Variants in FGF14 observed in about 807,000 individuals in gnomAD.
FGF14 encodes the protein fibroblast growth factor homologous factor 4.
In FGF14, 5 loss-of-function variants were observed where a neutral mutation model predicts 25.5. That is an observed-to-expected ratio of 0.20 (90% confidence interval 0.10 to 0.41). FGF14 has a LOEUF of 0.41. FGF14 is among the 10% of genes least tolerant of loss of function. FGF14 has a pLI of 1.00. For missense variants in FGF14, 222 were observed against 320.1 expected, an observed-to-expected ratio of 0.69 and a Z score of 2.34; for synonymous variants, 138 against 118.3, an observed-to-expected ratio of 1.17 and a Z score of -1.08.
chr13:102,385,398 T>C (rs1451629442), intron 1 of FGF14, among the ~76,000 whole-genome samples: 1 of 152,206 alleles, frequency 6.6e-6, no homozygotes, highest in Non-Finnish European at 1.5e-5. Context: ...CTGGTTATAC[T>C]GTACCAATGA....
chr13:102,225,372 C>T (rs967582932), intron 1 of FGF14, among the ~76,000 whole-genome samples: 1 of 152,160 alleles, frequency 6.6e-6, no homozygotes, highest in African/African-American at 2.4e-5. Flanking sequence ...CTTTTAACTA[C>T]CCGCTCATTC....
At chr13:102,347,953 G>C (rs2057160755) in intron 1 of FGF14, among the ~76,000 whole-genome samples, 1 of 150,348 alleles carries the variant, frequency 6.7e-6, no homozygotes, top group African/African-American at 2.4e-5. Context: ...AGAAAAAATA[G>C]ATACAGCAAT....
chr13:102,065,511 A>G (rs544556733), intron 1 of FGF14, among the ~76,000 whole-genome samples: 8 of 152,256 alleles, frequency 5.3e-5, no homozygotes, highest in African/African-American at 1.7e-4. Flanking sequence ...GATAACAGAA[A>G]ATAACATGGT....
intron 3 of FGF14, among the ~76,000 whole-genome samples, chr13:101,790,409 C>CTTTT (rs3064706): frequency 7.0e-6 from 1 of 143,156 alleles, no homozygotes; most frequent in African/African-American, 2.6e-5. Flanking sequence ...TATTCATTTT[C>CTTTT]TTTTTTTTTT....
exon 1 of FGF14, chr13:102,401,678 T>C (rs1448501640): frequency 2.5e-6 from 4 of 1,612,452 alleles, no homozygotes; most frequent in Non-Finnish European, 1.7e-6. Flanking sequence ...GGTTTTACCA[T>C]AGGAAAAACG....
chr13:101,981,129 A>ACACACACACACACAC (rs58852039), intron 1 of FGF14, among the ~76,000 whole-genome samples: 3 of 147,122 alleles, frequency 2.0e-5, no homozygotes, highest in South Asian at 2.2e-4. Context: ...ACACACACAC[A>ACACACACACACACAC]ATTAGCCAGG....
At chr13:102,101,279 A>T (rs1300545047) in intron 1 of FGF14, among the ~76,000 whole-genome samples, 1 of 152,158 alleles carries the variant, frequency 6.6e-6, no homozygotes. Context: ...AAAAATTGTT[A>T]TTTGGGAACA....
At chr13:102,141,766 A>AG (rs2046653016) in intron 1 of FGF14, among the ~76,000 whole-genome samples, 2 of 152,202 alleles carry the variant, frequency 1.3e-5, no homozygotes. Context: ...AAAGAAAAAA[A>AG]GAGGCAGCTT....
At chr13:102,263,717 T>G (rs1393187673) in intron 1 of FGF14, among the ~76,000 whole-genome samples, 1 of 152,228 alleles carries the variant, frequency 6.6e-6, no homozygotes. Context: ...ATATTGCTTT[T>G]AATTCATGCA....
chr13:102,191,605 G>A (rs2049126698), intron 1 of FGF14, among the ~76,000 whole-genome samples: 1 of 151,976 alleles, frequency 6.6e-6, no homozygotes, highest in Non-Finnish European at 1.5e-5. Context: ...AACTTTGAGT[G>A]GCACACATAT....
In FGF14 at chr13:101,854,438, G is replaced by A. The variant is rs186507638; in HGVS notation, c.408+14287C>T. ...ACTGCTGCTCACACTAAACACACCAGGCTTACTGCAGAGCTGTTGAAATTC... is the reference window on the plus strand; with the variant it reads ...ACTGCTGCTCACACTAAACACACCAAGCTTACTGCAGAGCTGTTGAAATTC... On this transcript the variant is annotated intron_variant, in intron 3 of 4. Transcript: ENST00000376143. 2.0e-5 allele frequency among the ~76,000 whole-genome samples: 3 copies of A among 152,150 alleles called. No homozygotes were observed. The East Asian group carries it at 5.8e-4, about 30-fold the overall frequency.
At chr13:102,306,957 A>C (rs2055418275) in intron 1 of FGF14, among the ~76,000 whole-genome samples, 1 of 152,078 alleles carries the variant, frequency 6.6e-6, no homozygotes, top group Non-Finnish European at 1.5e-5. Context: ...AAGGGTAAGG[A>C]CCTCGAGATG....
At chr13:102,064,704 T>A (rs1398732726) in intron 1 of FGF14, among the ~76,000 whole-genome samples, 1 of 151,902 alleles carries the variant, frequency 6.6e-6, no homozygotes, top group Non-Finnish European at 1.5e-5. Context: ...CAACCAAACA[T>A]GAACAGAAGA....
chr13:101,868,713 C>T lies in FGF14; in HGVS notation c.408+12G>A, dbSNP rs765835014. On this transcript the variant is annotated intron_variant, in intron 3 of 4. Coordinates refer to ENST00000376143, the MANE Select transcript of FGF14 (RefSeq NM_004115.4). ...TTGAACGAATGGCCGAGATCTTTGG[C>T]GTCTTACTTACTGATGGGTAGAGGT... 6 of 1,487,732 alleles carry T rather than the reference C, an allele frequency of 4.0e-6. No homozygotes were observed. Among genetic ancestry groups the T allele is most frequent in the Admixed American group, 1.7e-5 (1 of 59,822 alleles). The allele number at this position is 1,487,732 out of a possible 1,614,324, so 92.2% of individuals were successfully genotyped here.
In FGF14 at chr13:101,715,789, A is replaced by G; in HGVS notation, c.*7042T>C. The G allele has an allele frequency of 1.8e-6, 1 of 569,970 alleles. No individual in the cohort carries two copies. Among genetic ancestry groups the G allele is most frequent in the South Asian group, 2.8e-5 (1 of 36,034 alleles). The allele number at this position is 569,970 out of a possible 1,614,324, so 35.3% of individuals were successfully genotyped here. A position where few individuals can be genotyped will look rare whatever the true frequency, so the allele number is the denominator to read the frequency against. ...TATGTTTTTCTATTTCTGAATTACG[A>G]ATGAAATCCGAGTACCTATTAGAAA... On this transcript the variant is annotated 3_prime_UTR_variant, in exon 5 of 5. Transcript: ENST00000376143.
At position 101,721,194 on chromosome 13, in the gene FGF14, TAC is replaced by T. The variant is rs766695039; in HGVS notation, c.*1635_*1636del. On this transcript the variant is annotated 3_prime_UTR_variant, in exon 5 of 5. Transcript: ENST00000376143. Reference sequence around the variant, plus strand: ...AGAAAACATTGAATTTTATTAGGTGTACACAGAGTTAACAAATAAATTCCCAA... The same window carrying T: ...AGAAAACATTGAATTTTATTAGGTGTACAGAGTTAACAAATAAATTCCCAA... 3 of 152,030 alleles carry T rather than the reference TAC, an allele frequency of 2.0e-5. No homozygotes were observed. The highest frequency in any genetic ancestry group is 4.4e-5 in the Non-Finnish European group (3 of 68,002). The allele number at this position is 152,030 out of a possible 1,614,324, so 9.4% of individuals were successfully genotyped here.
intron 1 of FGF14, chr13:102,262,896 T>G (rs2052786940): frequency 6.4e-6 from 2 of 311,394 alleles, no homozygotes; most frequent in South Asian, 1.0e-4. Context: ...AATGCGTTCA[T>G]AACAGATTCA....
At chr13:101,908,045 T>C (rs973067648) in intron 1 of FGF14, among the ~76,000 whole-genome samples, 8 of 152,218 alleles carry the variant, frequency 5.3e-5, no homozygotes, top group Admixed American at 1.3e-4. Context: ...CAAATAGAAG[T>C]AAGGATATAG....
At chr13:102,221,774 T>A (rs9554859) in intron 1 of FGF14, among the ~76,000 whole-genome samples, 6,419 of 152,292 alleles carry the variant, frequency 0.042, 288 homozygotes, top group East Asian at 0.24. Context: ...TTTGTCAAAT[T>A]TTTAAATTAT....
Sources: gnomAD v4.1 joint callset for allele counts (sites outside exome capture counted in the v4.1 genomes callset) on GRCh38, gnomAD v4.1.1 for gene constraint, MANE v1.5 for transcripts, NCBI Gene and HGNC (gene_info 2026-07-23, HGNC 2026-07-21) for gene names.